Variants in AFF2 observed in about 807,000 individuals in gnomAD.
The protein encoded by AFF2 is AF4/FMR2 family member 2.
Under a neutral mutation model 76.9 loss-of-function variants are expected in AFF2, and 14 were observed. The observed-to-expected ratio is 0.18, with a 90% CI of 0.12 to 0.28. AFF2 has a LOEUF of 0.28. Ranked by LOEUF, AFF2 falls within the 10% of genes least tolerant of loss-of-function variation. The pLI, the probability that AFF2 is intolerant of heterozygous loss-of-function variation, is 1.00. For missense variants in AFF2, 868 were observed against 1,001.1 expected (o/e 0.87, Z 1.79); for synonymous variants, 398 against 366.7 (o/e 1.09, Z -0.98).
intron 9 of AFF2, among the ~76,000 whole-genome samples, chrX:148,941,977 G>A (rs950090738): frequency 4.6e-5 from 5 of 109,221 alleles, no homozygotes; most frequent in South Asian, 4.0e-4. Flanking sequence ...TTATCATGCC[G>A]GTCACCCTGG....
At chrX:148,925,515 G>A (rs1419648476) in intron 9 of AFF2, among the ~76,000 whole-genome samples, 1 of 112,221 alleles carries the variant, frequency 8.9e-6, no homozygotes, top group African/African-American at 3.2e-5. Flanking sequence ...TTCCATAACA[G>A]AATGCTGGCC....
intron 3 of AFF2, among the ~76,000 whole-genome samples, chrX:148,685,807 C>G (rs1400654339): frequency 9.1e-6 from 1 of 110,405 alleles, no homozygotes; most frequent in Non-Finnish European, 1.9e-5. Context: ...AATTACCGGT[C>G]TATTTATCTC....
chrX:148,624,644 A>G (rs1256329006), intron 1 of AFF2, among the ~76,000 whole-genome samples: 1 of 112,208 alleles, frequency 8.9e-6, no homozygotes, highest in Non-Finnish European at 1.9e-5. Context: ...TTTTGTTTAC[A>G]TATCATTAGT....
chrX:148,669,490 G>T (rs1248782133), intron 3 of AFF2, among the ~76,000 whole-genome samples: 1 of 111,983 alleles, frequency 8.9e-6, no homozygotes, highest in African/African-American at 3.3e-5. Flanking sequence ...GTTCCATGTG[G>T]CTGGGGAGGC....
intron 8 of AFF2, among the ~76,000 whole-genome samples, chrX:148,896,099 G>A (rs183750430): frequency 9.0e-6 from 1 of 111,471 alleles, no homozygotes; most frequent in African/African-American, 3.3e-5. Context: ...TGGACTCGAG[G>A]GTCATTAAGT....
intron 3 of AFF2, among the ~76,000 whole-genome samples, chrX:148,733,620 CA>C (rs2055252828): frequency 9.0e-6 from 1 of 111,637 alleles, no homozygotes; most frequent in Non-Finnish European, 1.9e-5. Context: ...TTTATCCAAG[CA>C]AAAGCCATAC....
chrX:148,561,034 G>A (rs782574050), intron 1 of AFF2, among the ~76,000 whole-genome samples: 16 of 111,619 alleles, frequency 1.4e-4, no homozygotes, highest in African/African-American at 3.9e-4. Flanking sequence ...AAGTATTTGC[G>A]TTTTTTGTAA....
At chrX:148,567,078 G>A (rs1557241748) in intron 1 of AFF2, among the ~76,000 whole-genome samples, 3 of 111,842 alleles carry the variant, frequency 2.7e-5, no homozygotes, top group Non-Finnish European at 5.7e-5. Flanking sequence ...CCTTGTGGCT[G>A]GCAAATAGCA....
chrX:148,587,963 A>C (rs1557246102), intron 1 of AFF2, among the ~76,000 whole-genome samples: 1 of 112,485 alleles, frequency 8.9e-6, no homozygotes, highest in East Asian at 2.8e-4. Context: ...CATGGGTTTC[A>C]GCTCCCGCCA....
At position 148,661,805 on chromosome X, in the gene AFF2, C is replaced by T; in HGVS notation, c.181-103C>T. ...GGCAGCAAGACATATTTAAAGAATC[C>T]CGTATGATAGTCTACTTAGGGCATC... On this transcript the variant is annotated intron_variant, in intron 2 of 20. Transcript: ENST00000370460. 5 of 838,940 alleles carry T rather than the reference C, an allele frequency of 6.0e-6. No individual in the cohort carries two copies. The South Asian group carries it at 1.4e-4, about 23-fold the overall frequency. 69.1% of individuals were successfully genotyped at this position (838,940 alleles called of 1,213,427 possible).
rs1185943788 is a variant in AFF2 at position 148,838,192 on chromosome X, A to G, written c.1173+459A>G. Among the ~76,000 whole-genome samples the G allele has an allele frequency of 4.5e-5, 5 of 112,355 alleles. No individual in the cohort carries two copies. In the Admixed American group the frequency reaches 4.7e-4, roughly 11 times the overall value. On this transcript the variant is annotated intron_variant, in intron 5 of 20. Transcript: ENST00000370460. ...ACAGAGCTTTATCTTCTACAGTTCT[A>G]TTGTCAAATGTTTAATATTATTTTT...
chrX:148,694,593 C>T (rs1033945102), intron 3 of AFF2, among the ~76,000 whole-genome samples: 1 of 111,469 alleles, frequency 9.0e-6, no homozygotes, highest in Admixed American at 9.5e-5. Flanking sequence ...GTGCCCAAAT[C>T]ATCTGTGGTT....
At chrX:148,748,267 A>T (rs1603293706) in intron 3 of AFF2, among the ~76,000 whole-genome samples, 1 of 112,185 alleles carries the variant, frequency 8.9e-6, no homozygotes, top group Non-Finnish European at 1.9e-5. Context: ...CCTGTCAGAA[A>T]TTAAGTATGT....
At chrX:148,852,424 G>T (rs2070742537) in intron 7 of AFF2, among the ~76,000 whole-genome samples, 1 of 91,977 alleles carries the variant, frequency 1.1e-5, no homozygotes. Context: ...TTAAATAATA[G>T]CCATTCTAAC....
chrX:148,900,462 C>G (rs782287950), intron 8 of AFF2, among the ~76,000 whole-genome samples: 42 of 111,618 alleles, frequency 3.8e-4, no homozygotes, highest in Non-Finnish European at 6.6e-4. Context: ...AATAAATGTG[C>G]TGATAATGAG....
At chrX:148,817,155 C>A (rs2070275954) in intron 4 of AFF2, among the ~76,000 whole-genome samples, 1 of 110,503 alleles carries the variant, frequency 9.0e-6, no homozygotes, top group Non-Finnish European at 1.9e-5. Flanking sequence ...GAATTATGAA[C>A]AGAAAATCAT....
intron 9 of AFF2, among the ~76,000 whole-genome samples, chrX:148,909,216 A>G (rs1368217224): frequency 1.8e-5 from 2 of 112,301 alleles, no homozygotes; most frequent in African/African-American, 6.5e-5. Context: ...TCATATGGAT[A>G]TGAGATCCAT....
chrX:148,690,075 C>T (rs1302854246), intron 3 of AFF2, among the ~76,000 whole-genome samples: 1 of 112,024 alleles, frequency 8.9e-6, no homozygotes, highest in Non-Finnish European at 1.9e-5. Context: ...GACAGCCCAT[C>T]TTATGGAAGG....
At chrX:148,586,639 G>T (rs1420182659) in intron 1 of AFF2, among the ~76,000 whole-genome samples, 1 of 111,873 alleles carries the variant, frequency 8.9e-6, no homozygotes, top group Admixed American at 9.5e-5. Flanking sequence ...TAGAGAATAG[G>T]ACAGATATTG....
Sources: gnomAD v4.1 joint callset for allele counts (sites outside exome capture counted in the v4.1 genomes callset) on GRCh38, gnomAD v4.1.1 for gene constraint, MANE v1.5 for transcripts, NCBI Gene and HGNC (gene_info 2026-07-23, HGNC 2026-07-21) for gene names.